SYT1: variants seen among roughly 807,000 people sequenced by gnomAD.
SYT1 encodes the protein synaptotagmin-1.
SYT1 carries 8 observed loss-of-function variants against 44.8 expected under a neutral mutation model. The observed-to-expected ratio is 0.18, with a 90% CI of 0.10 to 0.32. The LOEUF (loss-of-function observed/expected upper bound fraction) is 0.32, where lower values mean the gene tolerates loss of function less well. Among genes scored for constraint, SYT1 ranks in the 10% least tolerant of loss-of-function variants. The pLI is 1.00. For synonymous variants in SYT1, 154 were observed against 188.8 expected (o/e 0.82, Z 1.51); for missense variants, 286 against 509.3 (o/e 0.56, Z 4.22).
At chr12:79,301,508 C>T (rs1267538429) in intron 8 of SYT1, among the ~76,000 whole-genome samples, 2 of 152,140 alleles carry the variant, frequency 1.3e-5, no homozygotes, top group African/African-American at 4.8e-5. Context: ...AGTGGCCTAA[C>T]ATGATTTACC....
chr12:79,012,917 C>G (rs866543009), intron 2 of SYT1, among the ~76,000 whole-genome samples: 1 of 152,094 alleles, frequency 6.6e-6, no homozygotes, highest in South Asian at 2.1e-4. Context: ...CCAGATGCAT[C>G]CACCCTCTTT....
Position 79,296,244 on chromosome 12 carries a change from T to C in SYT1, c.642+8T>C. On this transcript the variant is annotated splice_region_variant and intron_variant, in intron 7 of 10. Coordinates refer to ENST00000261205, the MANE Select transcript of SYT1 (RefSeq NM_005639.3). ...GAGCAATTTACTTTCAAGGTATTTGTTAACATTTATTTATAACCTTTCCTT... is the reference window on the plus strand; with the variant it reads ...GAGCAATTTACTTTCAAGGTATTTGCTAACATTTATTTATAACCTTTCCTT... 6.2e-7 allele frequency: 1 copy of C among 1,610,952 alleles called. No individual in the cohort carries two copies. Among genetic ancestry groups the C allele is most frequent in the Non-Finnish European group, 8.5e-7 (1 of 1,178,614 alleles).
chr12:79,117,992 G>A (rs764142385), intron 3 of SYT1, among the ~76,000 whole-genome samples: 4 of 151,866 alleles, frequency 2.6e-5, no homozygotes, highest in Admixed American at 6.6e-5. Flanking sequence ...TACTGAGCTA[G>A]ACACGTGGAT....
intron 4 of SYT1, among the ~76,000 whole-genome samples, chr12:79,232,913 G>A (rs903276707): frequency 6.6e-5 from 10 of 152,090 alleles, no homozygotes; most frequent in African/African-American, 1.9e-4. Flanking sequence ...GAAGGTAGGC[G>A]ACCTTCCAGA....
Position 79,336,131 on chromosome 12 carries a change from A to G in SYT1, c.811-17371A>G, listed in dbSNP as rs372144905. On this transcript the variant is annotated intron_variant, in intron 8 of 10. Transcript: ENST00000261205. The stretch of plus-strand genomic sequence containing the variant: ...CCTACAAAATATATCCATTTTCTCT[A>G]TCATCTGAGGTTCACATCAAACTCT... Among the ~76,000 whole-genome samples, 7 of 152,194 alleles carry G rather than the reference A, an allele frequency of 4.6e-5. 1 individual carries two copies. Among genetic ancestry groups the G allele is most frequent in the Admixed American group, 3.3e-4 (5 of 15,260 alleles).
intron 3 of SYT1, among the ~76,000 whole-genome samples, chr12:79,142,475 G>T (rs1055915649): frequency 1.3e-5 from 2 of 152,150 alleles, no homozygotes; most frequent in Non-Finnish European, 2.9e-5. Flanking sequence ...ACCATAAAAA[G>T]ATGTAAAGAA....
intron 4 of SYT1, among the ~76,000 whole-genome samples, chr12:79,225,857 A>G (rs1443696034): frequency 6.6e-6 from 1 of 152,118 alleles, no homozygotes; most frequent in Non-Finnish European, 1.5e-5. Flanking sequence ...CAATCCATTC[A>G]TCTCACCCCA....
intron 3 of SYT1, among the ~76,000 whole-genome samples, chr12:79,101,511 T>A (rs1189990094): frequency 6.6e-6 from 1 of 152,072 alleles, no homozygotes; most frequent in African/African-American, 2.4e-5. Flanking sequence ...TTAGAGAAGG[T>A]GAAAAGTTCT....
intron 9 of SYT1, among the ~76,000 whole-genome samples, chr12:79,411,632 T>C (rs61927380): frequency 0.14 from 20,855 of 152,134 alleles, 1,866 homozygotes; most frequent in Middle Eastern, 0.34. Context: ...AACATAAATA[T>C]ATGTGTTTAC....
intron 2 of SYT1, among the ~76,000 whole-genome samples, chr12:79,032,366 G>A (rs192131746): frequency 6.6e-6 from 1 of 151,188 alleles, no homozygotes; most frequent in East Asian, 2.0e-4. Flanking sequence ...GAATTTTATA[G>A]GCAGGGACCT....
At chr12:78,999,930 T>G (rs1870621542) in intron 2 of SYT1, among the ~76,000 whole-genome samples, 1 of 152,180 alleles carries the variant, frequency 6.6e-6, no homozygotes, top group South Asian at 2.1e-4. Flanking sequence ...TGGATATTAT[T>G]TCATACTAAG....
chr12:79,023,525 G>A (rs1163805346), intron 2 of SYT1, among the ~76,000 whole-genome samples: 3 of 151,836 alleles, frequency 2.0e-5, no homozygotes, highest in African/African-American at 7.3e-5. Flanking sequence ...AGCAATCTGT[G>A]CTTACAGAGA....
chr12:78,880,136 T>G (rs566302124), intron 1 of SYT1, among the ~76,000 whole-genome samples: 31 of 151,794 alleles, frequency 2.0e-4, no homozygotes, highest in African/African-American at 7.5e-4. Flanking sequence ...AGTAACTTCT[T>G]CCCCAACCAG....
chr12:79,335,084 C>T (rs1485505914), intron 8 of SYT1, among the ~76,000 whole-genome samples: 1 of 152,104 alleles, frequency 6.6e-6, no homozygotes, highest in Non-Finnish European at 1.5e-5. Context: ...GGTGTGTTGA[C>T]CTCCCTCTTT....
intron 1 of SYT1, among the ~76,000 whole-genome samples, chr12:78,901,567 C>T (rs1565709053): frequency 6.6e-6 from 1 of 152,056 alleles, no homozygotes; most frequent in Admixed American, 6.6e-5. Context: ...GTGGTTGAAG[C>T]CATTATTATT....
intron 3 of SYT1, among the ~76,000 whole-genome samples, chr12:79,112,678 CT>C (rs1027669065): frequency 4.6e-5 from 7 of 152,074 alleles, no homozygotes; most frequent in Non-Finnish European, 8.8e-5. Context: ...TAAACATATT[CT>C]TTTAGTTTAT....
intron 4 of SYT1, among the ~76,000 whole-genome samples, chr12:79,238,170 T>TACATTTAGTGGTATGGCTGGAAGAGA (rs796128348): frequency 0.016 from 2,437 of 152,264 alleles, 49 homozygotes; most frequent in African/African-American, 0.044. Context: ...TACTGTAGGA[T>TACATTTAGTGGTATGGCTGGAAGAGA]ACATTTAGTG....
chr12:79,007,895 T>G (rs1260373028), intron 2 of SYT1, among the ~76,000 whole-genome samples: 2 of 152,150 alleles, frequency 1.3e-5, no homozygotes, highest in Admixed American at 1.3e-4. Flanking sequence ...CCTTCAGTCA[T>G]TCGGCATTCA....
chr12:79,345,226 A>G (rs1050453010), intron 8 of SYT1, among the ~76,000 whole-genome samples: 2 of 152,230 alleles, frequency 1.3e-5, no homozygotes, highest in African/African-American at 4.8e-5. Flanking sequence ...TTGCATGGCC[A>G]GCACATTGGT....
Sources: gnomAD v4.1 joint callset for allele counts (sites outside exome capture counted in the v4.1 genomes callset) on GRCh38, gnomAD v4.1.1 for gene constraint, MANE v1.5 for transcripts, NCBI Gene and HGNC (gene_info 2026-07-23, HGNC 2026-07-21) for gene names.